ANKDD1A: variants seen among roughly 807,000 people sequenced by gnomAD.
ANKDD1A encodes ankyrin repeat and death domain-containing protein 1A.
Under a neutral mutation model 63.5 loss-of-function variants are expected in ANKDD1A, and 59 were observed. The ratio of observed to expected loss-of-function variants is 0.93; its 90% CI spans 0.75 to 1.15. ANKDD1A has a LOEUF of 1.15. Among genes scored for constraint, ANKDD1A ranks in the 50% most tolerant of loss-of-function variants. ANKDD1A has a pLI of 0.00. For synonymous variants in ANKDD1A, 266 were observed against 263.9 expected (o/e 1.01, Z -0.08); for missense variants, 632 against 656.4 (o/e 0.96, Z 0.41).
intron 7 of ANKDD1A, among the ~76,000 whole-genome samples, chr15:64,931,139 G>T (rs1258949989): frequency 6.6e-6 from 1 of 152,180 alleles, no homozygotes; most frequent in African/African-American, 2.4e-5. Flanking sequence ...CAGAAAGTGT[G>T]TGTTCAAAGA....
intron 1 of ANKDD1A, chr15:64,913,967 A>G (rs1261975121): frequency 1.3e-5 from 2 of 150,558 alleles, no homozygotes; most frequent in African/African-American, 2.4e-5. Context: ...CACTCATACA[A>G]GCAGAGATTT....
intron 7 of ANKDD1A, among the ~76,000 whole-genome samples, 189 bp from the exon 8 acceptor site, chr15:64,931,298 A>C (rs1429934183): frequency 6.6e-6 from 1 of 152,136 alleles, no homozygotes; most frequent in Non-Finnish European, 1.5e-5. Flanking sequence ...TGCTCCATAA[A>C]GTGAGGACTT....
At chr15:64,948,418 TTGTC>T (rs2085240747) in intron 13 of ANKDD1A, among the ~76,000 whole-genome samples, 1 of 152,136 alleles carries the variant, frequency 6.6e-6, no homozygotes, top group South Asian at 2.1e-4. Flanking sequence ...ATTCTACAAT[TTGTC>T]TGGAAGAATA....
At position 64,934,159 on chromosome 15, in the gene ANKDD1A, T is replaced by G. The variant is rs2085109523; in HGVS notation, c.792T>G (p.Tyr264Ter). 3 of 1,612,066 alleles carry G rather than the reference T, an allele frequency of 1.9e-6. No homozygotes were observed. The highest frequency in any genetic ancestry group is 2.5e-6 in the Non-Finnish European group (3 of 1,178,900). ...AGAAAAACCTAAGCTGCCTTCACTATGCAGCCCTCAGTGGCTCGGAGGATG... is the reference window on the plus strand; with the variant it reads ...AGAAAAACCTAAGCTGCCTTCACTAGGCAGCCCTCAGTGGCTCGGAGGATG... ...LTQKNLSCLH[Y>*]AALSGSEDVS... is the part of the protein sequence containing the mutation. The change falls in exon 9 of 15, where the codon TAT becomes TAG. Residue 264 changes from tyrosine (Y) to a stop codon, truncating the protein, a stop_gained. Coordinates refer to ENST00000319580, the MANE Select transcript of ANKDD1A (RefSeq NM_182703.6). LOFTEE classifies it high-confidence loss of function.
intron 3 of ANKDD1A, among the ~76,000 whole-genome samples, chr15:64,918,284 A>G (rs571962364): frequency 3.8e-4 from 58 of 152,340 alleles, no homozygotes; most frequent in African/African-American, 1.4e-3. Flanking sequence ...AAATAAAACC[A>G]TAAACTTCCC....
intron 14 of ANKDD1A, among the ~76,000 whole-genome samples, chr15:64,954,877 C>CTTT (rs1555398166): frequency 1.4e-5 from 2 of 146,088 alleles, no homozygotes; most frequent in Non-Finnish European, 1.5e-5. Context: ...TTTTCTTCTT[C>CTTT]CTTCTCCTCC....
At chr15:64,927,840 C>T (rs1306116848) in intron 6 of ANKDD1A, among the ~76,000 whole-genome samples, 2 of 152,094 alleles carry the variant, frequency 1.3e-5, no homozygotes, top group Non-Finnish European at 2.9e-5. Context: ...CTCCTGACCT[C>T]GTGATCCACC....
intron 6 of ANKDD1A, 52 bp downstream of exon 6, chr15:64,927,051 C>A: frequency 1.3e-6 from 2 of 1,592,848 alleles, no homozygotes; most frequent in Non-Finnish European, 1.7e-6. Flanking sequence ...AAACTTGCCA[C>A]CTTCCAGGCT....
intron 3 of ANKDD1A, among the ~76,000 whole-genome samples, chr15:64,918,627 G>C (rs906982376): frequency 1.3e-5 from 2 of 152,086 alleles, no homozygotes; most frequent in African/African-American, 2.4e-5. Context: ...AAGAAGCTAC[G>C]AGGGAGAACA....
chr15:64,954,499 T>C (rs2140393487), intron 14 of ANKDD1A, among the ~76,000 whole-genome samples: 2 of 140,764 alleles, frequency 1.4e-5, no homozygotes, highest in African/African-American at 5.1e-5. Flanking sequence ...TTCTCCTTCT[T>C]CTTCCTTCTT....
At chr15:64,951,706 A>ATTCTTTTTTTCTTCGTTCTTCCT (rs1188766067) in intron 14 of ANKDD1A, among the ~76,000 whole-genome samples, 1 of 135,344 alleles carries the variant, frequency 7.4e-6, no homozygotes, top group South Asian at 2.3e-4. Flanking sequence ...CTTCTTCCTT[A>ATTCTTTTTTTCTTCGTTCTTCCT]TTTTCTTTTT....
chr15:64,916,235 AG>A (rs1240397081), intron 2 of ANKDD1A, among the ~76,000 whole-genome samples: 5 of 152,170 alleles, frequency 3.3e-5, no homozygotes, highest in Non-Finnish European at 7.3e-5. Flanking sequence ...TGGGCAAAAG[AG>A]GAGGACAGAC....
chr15:64,955,013 CACT>C (rs1595861953), intron 14 of ANKDD1A, among the ~76,000 whole-genome samples: 2 of 133,842 alleles, frequency 1.5e-5, no homozygotes, highest in East Asian at 2.4e-4. Context: ...CTTCTTCTTC[CACT>C]TCTTCTTCTT....
At chr15:64,953,736 TTCTTC>T (rs2085357934) in intron 14 of ANKDD1A, among the ~76,000 whole-genome samples, 1 of 31,140 alleles carries the variant, frequency 3.2e-5, no homozygotes, top group Non-Finnish European at 7.9e-5. Flanking sequence ...CTTCTCCTCC[TTCTTC>T]TTTCCTCTTT....
intron 3 of ANKDD1A, among the ~76,000 whole-genome samples, chr15:64,918,681 C>T (rs142766794): frequency 0.011 from 1,634 of 152,184 alleles, 29 homozygotes; most frequent in African/African-American, 0.037. Flanking sequence ...TGGCCAGGTG[C>T]GGTGGCTCAC....
At position 64,944,727 on chromosome 15, in the gene ANKDD1A, C is replaced by A; in HGVS notation, c.1141C>A (p.Arg381Ser). Residue 381 changes from arginine (R) to serine (S), a missense_variant, in exon 12 of 15, where the codon CGT (arginine) becomes AGT (serine). Arg to Ser is a moderately radical substitution (Grantham distance 110, BLOSUM62 -1). Transcript: ENST00000319580. ...GGTGGACATGATCATAAAAGCTGAT[C>A]GTTTCTACAGATGGGAGAAGGTACG... Reference protein sequence around the residue: ...SLVDMIIKADRFYRWEKDHPS... With the variant: ...SLVDMIIKADSFYRWEKDHPS... The A allele has an allele frequency of 6.2e-7, 1 of 1,614,058 alleles. No homozygotes were observed. The highest frequency in any genetic ancestry group is 1.1e-5 in the South Asian group (1 of 91,046).
chr15:64,954,514 T>C (rs1490625563), intron 14 of ANKDD1A, among the ~76,000 whole-genome samples: 7 of 112,588 alleles, frequency 6.2e-5, no homozygotes, highest in African/African-American at 1.3e-4. Flanking sequence ...CTTCTTCTCC[T>C]CTTTCTTCTC....
intron 7 of ANKDD1A, 59 bp from the exon 8 acceptor site, chr15:64,931,428 G>A (rs2085089994): frequency 5.9e-6 from 9 of 1,530,256 alleles, no homozygotes; most frequent in Admixed American, 3.7e-5. Flanking sequence ...CCGTGGGATT[G>A]GGGGTCACTT....
At chr15:64,934,362 C>A in intron 9 of ANKDD1A, 128 bp downstream of exon 9, 1 of 718,138 alleles carries the variant, frequency 1.4e-6, no homozygotes, top group Non-Finnish European at 2.2e-6. Context: ...AGTAGGGGAG[C>A]CGGCAGCACT....
Sources: allele counts gnomAD v4.1 joint callset (sites outside exome capture counted in the v4.1 genomes callset), GRCh38; gene constraint gnomAD v4.1.1; transcripts MANE v1.5; gene names NCBI Gene and HGNC (gene_info 2026-07-23, HGNC 2026-07-21).